Variants in SLX4IP observed in about 807,000 individuals in gnomAD.
SLX4IP encodes protein SLX4IP.
Under a neutral mutation model 32.9 loss-of-function variants are expected in SLX4IP, and 34 were observed. The observed-to-expected ratio is 1.03, with a 90% confidence interval of 0.79 to 1.38. The LOEUF (loss-of-function observed/expected upper bound fraction) is 1.38, where lower values mean the gene tolerates loss of function less well. SLX4IP is among the 40% of genes most tolerant of loss of function. The pLI is 0.00. For missense variants in SLX4IP, 444 were observed against 479.0 expected (o/e 0.93, Z 0.68); for synonymous variants, 172 against 171.7 (o/e 1.00, Z -0.01).
chr20:10,518,549 C>CCTTCCTTCCTTT lies in SLX4IP; in HGVS notation c.28-37679_28-37678insCCTTCCTTTCTT, dbSNP rs1491112415. Among the ~76,000 whole-genome samples the CCTTCCTTCCTTT allele has an allele frequency of 1.3e-3, 69 of 52,904 alleles. 7 individuals carry two copies. Among genetic ancestry groups the CCTTCCTTCCTTT allele is most frequent in the South Asian group, 3.3e-3 (5 of 1,510 alleles). 34.7% of individuals were successfully genotyped at this position (52,904 alleles called of 152,430 possible). A position where few individuals can be genotyped will look rare whatever the true frequency, so the allele number is the denominator to read the frequency against. The stretch of plus-strand genomic sequence containing the variant: ...TCCTTCCTTCCTTCCTTCCTTCCTT[C>CCTTCCTTCCTTT]CTTTCCTTCTTTCTTTCTTTTCTTT... On this transcript the variant is annotated intron_variant, in intron 2 of 7. Transcript: ENST00000334534.
chr20:10,543,612 G>A (rs2066132547), intron 2 of SLX4IP, among the ~76,000 whole-genome samples: 1 of 152,202 alleles, frequency 6.6e-6, no homozygotes, highest in African/African-American at 2.4e-5. Flanking sequence ...TGAGGAGGGA[G>A]GAGAACGAGC....
At chr20:10,591,100 C>G (rs948856959) in intron 4 of SLX4IP, among the ~76,000 whole-genome samples, 1 of 152,178 alleles carries the variant, frequency 6.6e-6, no homozygotes, top group African/African-American at 2.4e-5. Flanking sequence ...GCCCTGAGCT[C>G]TCTCCAGTTT....
chr20:10,509,920 T>C (rs2065791792), intron 2 of SLX4IP, among the ~76,000 whole-genome samples: 1 of 152,152 alleles, frequency 6.6e-6, no homozygotes, highest in South Asian at 2.1e-4. Flanking sequence ...GGCCTCAAAC[T>C]TCTGCCTCGG....
At chr20:10,480,575 T>C (rs1275701233) in intron 2 of SLX4IP, among the ~76,000 whole-genome samples, 5 of 152,194 alleles carry the variant, frequency 3.3e-5, no homozygotes, top group Non-Finnish European at 5.9e-5. Context: ...ACTAAAAATA[T>C]AAAACGTGAT....
Position 10,614,323 on chromosome 20 carries a change from T to C in SLX4IP, c.406-6991T>C, listed in dbSNP as rs555924270. 4.6e-5 allele frequency: 27 copies of C among 581,654 alleles called. No individual in the cohort carries two copies. In the South Asian group the frequency reaches 4.9e-4, roughly 11 times the overall value. The allele number at this position is 581,654 out of a possible 1,614,324, so 36.0% of individuals were successfully genotyped here. A position where few individuals can be genotyped will look rare whatever the true frequency, so the allele number is the denominator to read the frequency against. ...TGAGAACAATTTTAAAGACATTGAA[T>C]AGCTTTTTTTCATCCCTTTATTGCC... is the stretch of plus-strand genomic sequence containing the variant. On this transcript the variant is annotated intron_variant, in intron 6 of 7. Transcript: ENST00000334534.
chr20:10,507,397 G>A (rs1277854762), intron 2 of SLX4IP, among the ~76,000 whole-genome samples: 5 of 152,138 alleles, frequency 3.3e-5, no homozygotes, highest in African/African-American at 1.2e-4. Flanking sequence ...AAGGTGGGAA[G>A]AGATTGCTCA....
intron 4 of SLX4IP, among the ~76,000 whole-genome samples, chr20:10,564,356 A>T (rs1324365863): frequency 1.3e-5 from 2 of 152,162 alleles, no homozygotes; most frequent in African/African-American, 4.8e-5. Context: ...TCTATGTCTC[A>T]TGTTCCCTGA....
chr20:10,449,754 A>G (rs2065227245), intron 1 of SLX4IP, among the ~76,000 whole-genome samples: 1 of 152,190 alleles, frequency 6.6e-6, no homozygotes, highest in Non-Finnish European at 1.5e-5. Context: ...ACAGACTAAA[A>G]TATTCAGAAT....
intron 2 of SLX4IP, among the ~76,000 whole-genome samples, chr20:10,527,986 T>C (rs931719643): frequency 2.0e-5 from 3 of 152,180 alleles, no homozygotes; most frequent in African/African-American, 7.2e-5. Context: ...TGTGCACTCC[T>C]GGGAGCGGGT....
intron 2 of SLX4IP, among the ~76,000 whole-genome samples, chr20:10,496,222 A>T (rs1379212207): frequency 6.6e-6 from 1 of 152,122 alleles, no homozygotes; most frequent in Non-Finnish European, 1.5e-5. Context: ...ACGTGCATAG[A>T]ATGTGTAATG....
intron 2 of SLX4IP, among the ~76,000 whole-genome samples, chr20:10,528,924 T>G (rs914169029): frequency 2.6e-5 from 4 of 152,248 alleles, no homozygotes; most frequent in Non-Finnish European, 5.9e-5. Flanking sequence ...TAGCTCAAAG[T>G]TGATATTCCC....
At chr20:10,482,389 T>C (rs1009994057) in intron 2 of SLX4IP, among the ~76,000 whole-genome samples, 1 of 152,226 alleles carries the variant, frequency 6.6e-6, no homozygotes, top group Admixed American at 6.5e-5. Flanking sequence ...TGTTTTGATA[T>C]CATGTGAGTG....
chr20:10,542,091 A>G (rs573008796), intron 2 of SLX4IP, among the ~76,000 whole-genome samples: 2 of 152,326 alleles, frequency 1.3e-5, no homozygotes, highest in South Asian at 2.1e-4. Context: ...AATCAGTCCA[A>G]TGCAACAAGC....
chr20:10,481,795 C>T (rs535000847), intron 2 of SLX4IP, among the ~76,000 whole-genome samples: 7 of 152,256 alleles, frequency 4.6e-5, no homozygotes, highest in South Asian at 2.1e-4. Flanking sequence ...AGCCTTCAAC[C>T]GGAATGTCAG....
At chr20:10,475,785 G>A (rs2065471205) in intron 2 of SLX4IP, among the ~76,000 whole-genome samples, 1 of 152,190 alleles carries the variant, frequency 6.6e-6, no homozygotes, top group Non-Finnish European at 1.5e-5. Flanking sequence ...AGTGTCACAT[G>A]GTAAATACAT....
At chr20:10,593,165 T>G (rs1193026869) in intron 4 of SLX4IP, among the ~76,000 whole-genome samples, 1 of 152,192 alleles carries the variant, frequency 6.6e-6, no homozygotes, top group African/African-American at 2.4e-5. Context: ...GTGCCCTTTC[T>G]TAAAGCAAAT....
intron 6 of SLX4IP, among the ~76,000 whole-genome samples, chr20:10,604,172 A>G (rs2066875477): frequency 6.6e-6 from 1 of 152,200 alleles, no homozygotes; most frequent in South Asian, 2.1e-4. Flanking sequence ...CTGGATAGCA[A>G]TTCTCAAGAA....
Position 10,499,305 on chromosome 20 carries a change from A to G in SLX4IP, c.27+41074A>G, listed in dbSNP as rs2065696631. 2.0e-5 allele frequency among the ~76,000 whole-genome samples: 3 copies of G among 152,232 alleles called. No homozygotes were observed. The South Asian group carries it at 6.2e-4, about 31-fold the overall frequency. ...TTGAAGAACCCCAACATACATACACAATATGCATATGCACACAACATGCAC... is the reference window on the plus strand; with the variant it reads ...TTGAAGAACCCCAACATACATACACGATATGCATATGCACACAACATGCAC... On this transcript the variant is annotated intron_variant, in intron 2 of 7. Transcript: ENST00000334534.
At chr20:10,582,367 A>G (rs1434393308) in intron 4 of SLX4IP, among the ~76,000 whole-genome samples, 3 of 152,164 alleles carry the variant, frequency 2.0e-5, no homozygotes, top group Admixed American at 1.3e-4. Context: ...TTTGCGTTAC[A>G]TATGTAAACT....
Sources: gnomAD v4.1 joint callset for allele counts (sites outside exome capture counted in the v4.1 genomes callset) on GRCh38, gnomAD v4.1.1 for gene constraint, MANE v1.5 for transcripts, NCBI Gene and HGNC (gene_info 2026-07-23, HGNC 2026-07-21) for gene names.